PDZRN3: variants seen among roughly 807,000 people sequenced by gnomAD.
PDZRN3 encodes the protein E3 ubiquitin-protein ligase PDZRN3.
In PDZRN3, 38 loss-of-function variants were observed where a neutral mutation model predicts 85.7. The observed-to-expected ratio is 0.44, with a 90% CI of 0.34 to 0.58. The LOEUF (loss-of-function observed/expected upper bound fraction) is 0.58, where lower values mean the gene tolerates loss of function less well. Among genes scored for constraint, PDZRN3 ranks in the 20% least tolerant of loss-of-function variants. The pLI is 0.01. For missense variants in PDZRN3, 1,629 were observed against 1,506.4 expected, an observed-to-expected ratio of 1.08 and a Z score of -1.35; for synonymous variants, 759 against 638.0, an observed-to-expected ratio of 1.19 and a Z score of -2.86.
chr3:73,496,916 C>T (rs746526034), intron 3 of PDZRN3, among the ~76,000 whole-genome samples: 7 of 152,148 alleles, frequency 4.6e-5, no homozygotes, highest in Non-Finnish European at 7.3e-5. Context: ...CTGTATTTGG[C>T]CTTGTCTTCA....
At chr3:73,387,063 C>T (rs1701410463) in intron 8 of PDZRN3, among the ~76,000 whole-genome samples, 1 of 152,142 alleles carries the variant, frequency 6.6e-6, no homozygotes, top group African/African-American at 2.4e-5. Flanking sequence ...AGGGGAAACC[C>T]CGTTTGCTTG....
chr3:73,478,956 GAA>G (rs1190085037), intron 3 of PDZRN3, among the ~76,000 whole-genome samples: 3 of 152,180 alleles, frequency 2.0e-5, no homozygotes, highest in Non-Finnish European at 4.4e-5. Flanking sequence ...TCTCAGAGCA[GAA>G]ACTTAGGTTC....
chr3:73,495,689 A>G (rs759677873), intron 3 of PDZRN3, among the ~76,000 whole-genome samples: 39,984 of 152,028 alleles, frequency 0.26, 6,354 homozygotes, highest in Non-Finnish European at 0.37. Flanking sequence ...TAAGGCTAGA[A>G]CTTCTCTAGG....
chr3:73,624,579 C>G lies in PDZRN3; in HGVS notation c.247G>C (p.Ala83Pro). ...CGGCCGCAGCCGCGCGTCGCGTACG[C>G]GCACTTGATGTCCAGCTTGAGGATA... ...RLILKLDIKC[A>P]YATRGCGRVV... The change falls in exon 1 of 10, where the codon GCG becomes CCG. Residue 83 changes from alanine to proline, a missense_variant. Ala to Pro is a conservative substitution (Grantham distance 27). Coordinates refer to ENST00000263666, the MANE Select transcript of PDZRN3 (RefSeq NM_015009.3). The G allele has an allele frequency of 6.5e-7, 1 of 1,547,526 alleles. No homozygotes were observed. The highest frequency in any genetic ancestry group is 8.7e-7 in the Non-Finnish European group (1 of 1,151,464).
At chr3:73,446,097 T>C (rs1429908232) in intron 3 of PDZRN3, among the ~76,000 whole-genome samples, 2 of 152,344 alleles carry the variant, frequency 1.3e-5, no homozygotes, top group African/African-American at 4.8e-5. Context: ...AAGTGGGTGC[T>C]CTGAAACCAC....
chr3:73,591,038 TAGTATC>T, intron 3 of PDZRN3, among the ~76,000 whole-genome samples: 1 of 152,318 alleles, frequency 6.6e-6, no homozygotes, highest in African/African-American at 2.4e-5. Context: ...AGATAATACT[TAGTATC>T]AGTAAGGGTT....
At chr3:73,491,584 G>A (rs945804167) in intron 3 of PDZRN3, among the ~76,000 whole-genome samples, 28 of 26,952 alleles carry the variant, frequency 1.0e-3, no homozygotes, top group Non-Finnish European at 2.0e-3. Context: ...AACCTTGTGT[G>A]GAAGGTTCCT....
At chr3:73,387,128 T>C (rs1212448460) in intron 8 of PDZRN3, among the ~76,000 whole-genome samples, 4 of 152,210 alleles carry the variant, frequency 2.6e-5, no homozygotes, top group Non-Finnish European at 2.9e-5. Flanking sequence ...CCTTCCACCA[T>C]GATTGTGAGG....
Position 73,608,606 on chromosome 3 carries a change from G to A in PDZRN3, c.802C>T (p.Pro268Ser). The part of the protein sequence containing the change: ...SLGFNIIGGR[P>S]SVDNHDGSSS... ...TTTAGTAATTAACATACCACACTCG[G>A]CCGGCCACCAATAATATTGAATCCC... The change falls in exon 2 of 10, where the codon CCG becomes TCG. Residue 268 changes from proline (P) to serine (S), a missense_variant. Transcript: ENST00000263666. The A allele has an allele frequency of 6.2e-7, 1 of 1,606,376 alleles. No individual in the cohort carries two copies. The highest frequency in any genetic ancestry group is 8.5e-7 in the Non-Finnish European group (1 of 1,173,490).
At chr3:73,587,010 T>C (rs745572916) in intron 3 of PDZRN3, among the ~76,000 whole-genome samples, 2 of 152,232 alleles carry the variant, frequency 1.3e-5, no homozygotes, top group African/African-American at 2.4e-5. Flanking sequence ...TTTGACTCCA[T>C]TGTTTTTGCA....
chr3:73,553,513 T>G (rs1188154608), intron 3 of PDZRN3, among the ~76,000 whole-genome samples: 1 of 151,250 alleles, frequency 6.6e-6, no homozygotes, highest in Non-Finnish European at 1.5e-5. Flanking sequence ...GAGGCAGAGG[T>G]TGCAGTGAGC....
chr3:73,577,583 G>A (rs948690026), intron 3 of PDZRN3, among the ~76,000 whole-genome samples: 3 of 152,138 alleles, frequency 2.0e-5, no homozygotes, highest in African/African-American at 7.2e-5. Context: ...GCACAGCAGA[G>A]GAAAACCAAG....
intron 3 of PDZRN3, among the ~76,000 whole-genome samples, chr3:73,418,816 T>C (rs1483133517): frequency 6.6e-6 from 1 of 152,250 alleles, no homozygotes; most frequent in African/African-American, 2.4e-5. Flanking sequence ...AAGAGACAGA[T>C]GCCTTGCCTG....
intron 1 of PDZRN3, among the ~76,000 whole-genome samples, chr3:73,616,849 G>T (rs1187422709): frequency 6.6e-6 from 1 of 152,100 alleles, no homozygotes; most frequent in Non-Finnish European, 1.5e-5. Context: ...GGCAATTAAG[G>T]CTTGAAGGTT....
At chr3:73,563,014 T>TATATATATATATATA (rs1491432587) in intron 3 of PDZRN3, among the ~76,000 whole-genome samples, 44 of 20,190 alleles carry the variant, frequency 2.2e-3, no homozygotes, top group East Asian at 6.4e-3. Context: ...TATATATATA[T>TATATATATATATATA]TTTTTTTTTT....
chr3:73,472,801 G>C (rs553513113), intron 3 of PDZRN3, among the ~76,000 whole-genome samples: 1 of 152,226 alleles, frequency 6.6e-6, no homozygotes, highest in South Asian at 2.1e-4. Context: ...TCAGAAAGCT[G>C]GATTAGCAAG....
At chr3:73,477,412 A>G (rs192074408) in intron 3 of PDZRN3, among the ~76,000 whole-genome samples, 38 of 152,248 alleles carry the variant, frequency 2.5e-4, no homozygotes, top group Admixed American at 2.0e-3. Context: ...CCAATGAACA[A>G]ACAGAAATGC....
At chr3:73,560,853 G>A (rs938466305) in intron 3 of PDZRN3, among the ~76,000 whole-genome samples, 3 of 152,180 alleles carry the variant, frequency 2.0e-5, no homozygotes, top group African/African-American at 7.2e-5. Flanking sequence ...GGCTCCAGGT[G>A]ACTGACAATG....
chr3:73,554,831 G>A (rs142878280), intron 3 of PDZRN3, among the ~76,000 whole-genome samples: 61 of 152,298 alleles, frequency 4.0e-4, no homozygotes, highest in Non-Finnish European at 2.1e-4. Context: ...TTCTTAAAAC[G>A]TGTTGCTTTT....
Sources: allele counts gnomAD v4.1 joint callset (sites outside exome capture counted in the v4.1 genomes callset), GRCh38; gene constraint gnomAD v4.1.1; transcripts MANE v1.5; gene names NCBI Gene and HGNC (gene_info 2026-07-23, HGNC 2026-07-21).